TRPM3: variants seen among roughly 807,000 people sequenced by gnomAD.
TRPM3 encodes the protein long transient receptor potential channel 3.
TRPM3 carries 77 observed loss-of-function variants against 181.2 expected under a neutral mutation model. The ratio of observed to expected loss-of-function variants is 0.42; its 90% CI spans 0.35 to 0.51. TRPM3 has a LOEUF of 0.51. Among genes scored for constraint, TRPM3 ranks in the 20% least tolerant of loss-of-function variants. The pLI is 0.01. For synonymous variants in TRPM3, 745 were observed against 796.4 expected (o/e 0.94, Z 1.09); for missense variants, 1,759 against 2,196.7 (o/e 0.80, Z 3.98).
intron 6 of TRPM3, among the ~76,000 whole-genome samples, chr9:70,797,726 G>A (rs917708584): frequency 3.3e-5 from 5 of 152,110 alleles, no homozygotes; most frequent in African/African-American, 4.8e-5. Flanking sequence ...TTGGCCACCC[G>A]GTGAATTTGA....
At position 70,536,764 on chromosome 9, in the gene TRPM3, G is replaced by A; in HGVS notation, c.4349C>T (p.Thr1450Ile). 6.2e-7 allele frequency: 1 copy of A among 1,614,202 alleles called. No homozygotes were observed. The highest frequency in any genetic ancestry group is 8.5e-7 in the Non-Finnish European group (1 of 1,180,036). ...EPSFSTPVPSTAPSSSAYATL... is the reference protein window; with the variant it reads ...EPSFSTPVPSIAPSSSAYATL... ...TGCATAGGCACTACTTGAAGGGGCT[G>A]TGGAAGGTACTGGAGTTGAAAAGCT... is the stretch of plus-strand genomic sequence containing the variant. Residue 1450 changes from threonine to isoleucine, a missense_variant, in exon 26 of 26, where the codon ACA (threonine) becomes ATA (isoleucine). Physicochemically the swap from Thr to Ile is moderately conservative, Grantham distance 89 (BLOSUM62 -1). Around this residue, in one of 8 missense-constraint regions of TRPM3, gnomAD observed 612 missense variants for 590.0 expected, o/e 1.04. Transcript: ENST00000677713.
intron 1 of TRPM3, among the ~76,000 whole-genome samples, chr9:71,017,098 C>T (rs188979062): frequency 4.6e-5 from 7 of 152,194 alleles, no homozygotes; most frequent in African/African-American, 1.7e-4. Context: ...ATTTACTGCA[C>T]ATAAGAAGCT....
intron 1 of TRPM3, among the ~76,000 whole-genome samples, chr9:71,023,051 G>A (rs1206186765): frequency 6.6e-6 from 1 of 151,956 alleles, no homozygotes; most frequent in African/African-American, 2.4e-5. Flanking sequence ...CTGTGAAGAA[G>A]CTATAAAGCA....
At chr9:71,335,941 C>T (rs560916317) in intron 1 of TRPM3, among the ~76,000 whole-genome samples, 14 of 152,068 alleles carry the variant, frequency 9.2e-5, no homozygotes, top group East Asian at 7.7e-4. Flanking sequence ...TCATGGAGTC[C>T]GTGAGATTGA....
intron 6 of TRPM3, among the ~76,000 whole-genome samples, chr9:70,801,422 A>G (rs1251277946): frequency 1.3e-5 from 2 of 152,216 alleles, no homozygotes; most frequent in Non-Finnish European, 2.9e-5. Flanking sequence ...ATGAAGCTCC[A>G]GGGAAGGATT....
chr9:70,691,399 T>C (rs2068502343), intron 8 of TRPM3, among the ~76,000 whole-genome samples: 1 of 152,176 alleles, frequency 6.6e-6, no homozygotes, highest in Non-Finnish European at 1.5e-5. Flanking sequence ...ATTTTAAAGG[T>C]GCATTATGTC....
intron 1 of TRPM3, among the ~76,000 whole-genome samples, chr9:71,065,260 A>T (rs1464259534): frequency 6.6e-6 from 1 of 152,190 alleles, no homozygotes; most frequent in East Asian, 1.9e-4. Context: ...TCAAGTAAAG[A>T]TGAATTTTCA....
intron 1 of TRPM3, among the ~76,000 whole-genome samples, chr9:71,106,251 T>C (rs559811967): frequency 6.6e-6 from 1 of 152,324 alleles, no homozygotes; most frequent in Admixed American, 6.5e-5. Context: ...GCTCATGATA[T>C]GATTTGGATA....
intron 6 of TRPM3, among the ~76,000 whole-genome samples, chr9:70,802,074 A>G (rs1359628220): frequency 2.0e-5 from 3 of 152,218 alleles, no homozygotes; most frequent in East Asian, 3.8e-4. Flanking sequence ...GAAGTTTCCA[A>G]GTGATGCTAT....
At chr9:70,851,230 T>C (rs1480366312) in intron 3 of TRPM3, among the ~76,000 whole-genome samples, 3 of 152,200 alleles carry the variant, frequency 2.0e-5, no homozygotes, top group Non-Finnish European at 4.4e-5. Flanking sequence ...TGTATATTTA[T>C]TGTGCACCAG....
intron 1 of TRPM3, among the ~76,000 whole-genome samples, chr9:70,961,328 C>A (rs1444149272): frequency 1.3e-5 from 2 of 152,144 alleles, no homozygotes; most frequent in East Asian, 1.9e-4. Context: ...CCTGTACAAC[C>A]CATTTTGGAC....
chr9:70,816,794 G>T lies in TRPM3; in HGVS notation c.973+11053C>A, dbSNP rs1588763027. On this transcript the variant is annotated intron_variant, in intron 6 of 25. Coordinates refer to ENST00000677713, the MANE Select transcript of TRPM3 (RefSeq NM_001366145.2). ...CTGCATATGCGATTATTATTTTGAG[G>T]CTAAGGGGATCTGTTTAGGTTTGTT... Among the ~76,000 whole-genome samples the T allele has an allele frequency of 2.0e-5, 3 of 152,172 alleles. No individual in the cohort carries two copies. The South Asian group carries it at 6.2e-4, about 31-fold the overall frequency.
At chr9:71,333,046 T>G (rs2090321464) in intron 1 of TRPM3, among the ~76,000 whole-genome samples, 1 of 151,840 alleles carries the variant, frequency 6.6e-6, no homozygotes, top group African/African-American at 2.4e-5. Context: ...TCCACGTGGT[T>G]ATTTTGTCTC....
At chr9:70,659,895 T>A (rs752484169) in intron 9 of TRPM3, among the ~76,000 whole-genome samples, 3 of 152,228 alleles carry the variant, frequency 2.0e-5, no homozygotes, top group Non-Finnish European at 4.4e-5. Context: ...GCCACTTTCA[T>A]ACCTGCCTAC....
intron 1 of TRPM3, among the ~76,000 whole-genome samples, chr9:71,186,182 C>T (rs999678377): frequency 1.3e-5 from 2 of 152,022 alleles, no homozygotes; most frequent in African/African-American, 4.8e-5. Context: ...GGAGCCCATC[C>T]TGCTCCAGTA....
chr9:70,614,759 C>T (rs983111587), intron 18 of TRPM3, among the ~76,000 whole-genome samples: 2 of 152,166 alleles, frequency 1.3e-5, no homozygotes, highest in East Asian at 1.9e-4. Flanking sequence ...GGTAATGGGG[C>T]AGGATTCTGG....
chr9:70,595,781 C>A (rs2058910438), intron 21 of TRPM3, among the ~76,000 whole-genome samples: 1 of 152,136 alleles, frequency 6.6e-6, no homozygotes, highest in African/African-American at 2.4e-5. Flanking sequence ...ATCTCAAATT[C>A]ATTGTTAAAG....
chr9:70,680,116 A>T (rs988073590), intron 9 of TRPM3, among the ~76,000 whole-genome samples: 2 of 152,172 alleles, frequency 1.3e-5, no homozygotes, highest in African/African-American at 2.4e-5. Context: ...GGGTGAAGAG[A>T]ACTGACAAAT....
At chr9:70,819,262 C>T (rs1197542210) in intron 6 of TRPM3, among the ~76,000 whole-genome samples, 1 of 152,180 alleles carries the variant, frequency 6.6e-6, no homozygotes. Context: ...AACCCCAAAT[C>T]CCACCTCTCA....
Sources: allele counts gnomAD v4.1 joint callset (sites outside exome capture counted in the v4.1 genomes callset), GRCh38; gene constraint gnomAD v4.1.1; regional missense constraint gnomAD v4.1.1; transcripts MANE v1.5; gene names NCBI Gene and HGNC (gene_info 2026-07-23, HGNC 2026-07-21).